The following TENM4 variants were observed in gnomAD, a reference collection of about 807,000 sequenced individuals.
TENM4 encodes the protein teneurin transmembrane protein 4.
Under a neutral mutation model 243.3 loss-of-function variants are expected in TENM4, and 82 were observed. The observed-to-expected ratio is 0.34, with a 90% CI of 0.28 to 0.40. The LOEUF (loss-of-function observed/expected upper bound fraction) is 0.40. Ranked by LOEUF, TENM4 falls within the 10% of genes least tolerant of loss-of-function variation. The probability of loss-of-function intolerance (pLI) is 1.00; values close to 1 mark genes in which losing one functional copy is unlikely to be tolerated. For synonymous variants in TENM4, 1,412 were observed against 1,456.3 expected, an observed-to-expected ratio of 0.97 and a Z score of 0.69; for missense variants, 3,138 against 3,673.3, an observed-to-expected ratio of 0.85 and a Z score of 3.77.
chr11:79,404,656 A>T (rs1345726513), intron 1 of TENM4, among the ~76,000 whole-genome samples: 1 of 152,222 alleles, frequency 6.6e-6, no homozygotes, highest in African/African-American at 2.4e-5. Flanking sequence ...AATAAAAAGA[A>T]TGTTGCGTGT....
chr11:79,003,541 A>G (rs1858391166), intron 6 of TENM4, among the ~76,000 whole-genome samples: 1 of 152,188 alleles, frequency 6.6e-6, no homozygotes, highest in South Asian at 2.1e-4. Context: ...TTTCATATCC[A>G]GCCAAACTAA....
chr11:79,199,391 A>G (rs1863696943), intron 3 of TENM4, among the ~76,000 whole-genome samples: 2 of 152,236 alleles, frequency 1.3e-5, no homozygotes, highest in South Asian at 4.1e-4. Flanking sequence ...CCTCATCTGC[A>G]AGATAAGAAT....
chr11:78,720,909 A>T (rs1398166000), intron 24 of TENM4, among the ~76,000 whole-genome samples: 1 of 152,246 alleles, frequency 6.6e-6, no homozygotes, highest in African/African-American at 2.4e-5. Context: ...AAAGACTGGA[A>T]GAAAAAATAT....
intron 1 of TENM4, among the ~76,000 whole-genome samples, chr11:79,309,138 C>G (rs1485213747): frequency 6.6e-6 from 1 of 152,222 alleles, no homozygotes; most frequent in Non-Finnish European, 1.5e-5. Context: ...CTAGTGTTAA[C>G]AAATCTGACT....
At chr11:78,803,579 TG>T (rs1857327625) in intron 15 of TENM4, among the ~76,000 whole-genome samples, 1 of 151,880 alleles carries the variant, frequency 6.6e-6, no homozygotes. Context: ...TTACGGGGAG[TG>T]GTATAGCCAG....
chr11:79,335,153 G>A (rs1393029757), intron 1 of TENM4, among the ~76,000 whole-genome samples: 1 of 152,178 alleles, frequency 6.6e-6, no homozygotes, highest in Non-Finnish European at 1.5e-5. Flanking sequence ...CAGGGATTGG[G>A]CCTGATTGTT....
chr11:78,890,984 T>C (rs1275762817), intron 8 of TENM4, among the ~76,000 whole-genome samples: 2 of 152,010 alleles, frequency 1.3e-5, no homozygotes, highest in Non-Finnish European at 2.9e-5. Flanking sequence ...AAATGCTATG[T>C]GAGATGGTTT....
rs766758919 is a variant in TENM4, at chr11:78,676,343, G to T, written c.5305C>A (p.Arg1769=). 1.2e-6 allele frequency: 2 copies of T among 1,608,964 alleles called. No homozygotes were observed. The highest frequency in any genetic ancestry group is 1.7e-6 in the Non-Finnish European group (2 of 1,175,966). ...SYYIGADGSL[R]LLLANGMEVA... ...TCCATGCCGTTGGCCAGCAGCAGCC[G>T]CAAGGAGCCATCGGCCCCGATGTAG... The change falls in exon 30 of 34, where the codon CGG becomes AGG. Residue 1769 remains arginine (R), a synonymous_variant. Transcript: ENST00000278550.
intron 2 of TENM4, among the ~76,000 whole-genome samples, chr11:79,228,709 TAA>T (rs1263716579): frequency 2.6e-5 from 4 of 152,152 alleles, no homozygotes; most frequent in East Asian, 1.9e-4. Flanking sequence ...TTTCTAATTT[TAA>T]AAAAGTCTCC....
At chr11:78,832,739 G>C (rs1591057439) in intron 12 of TENM4, among the ~76,000 whole-genome samples, 1 of 152,224 alleles carries the variant, frequency 6.6e-6, no homozygotes, top group Non-Finnish European at 1.5e-5. Context: ...CCTTTGCTAA[G>C]TCTGCCCAAG....
chr11:79,299,679 G>A (rs1211495561), intron 1 of TENM4, among the ~76,000 whole-genome samples: 1 of 152,202 alleles, frequency 6.6e-6, no homozygotes, highest in African/African-American at 2.4e-5. Flanking sequence ...AGAAAAGGCT[G>A]ATAACCTAAT....
intron 19 of TENM4, among the ~76,000 whole-genome samples, chr11:78,749,944 C>T (rs899499064): frequency 1.1e-4 from 16 of 152,172 alleles, no homozygotes; most frequent in East Asian, 1.9e-4. Context: ...CCCCTTTGCT[C>T]ACCATGCTCA....
intron 2 of TENM4, among the ~76,000 whole-genome samples, chr11:79,286,652 A>T (rs2135374358): frequency 6.6e-6 from 1 of 152,250 alleles, no homozygotes; most frequent in East Asian, 1.9e-4. Context: ...CTGGGCAACA[A>T]GAGCGAAACT....
chr11:78,893,988 T>C lies in TENM4; in HGVS notation c.750-2652A>G, dbSNP rs552281149. Among the ~76,000 whole-genome samples, 11 of 152,344 alleles carry C rather than the reference T, an allele frequency of 7.2e-5. No individual in the cohort carries two copies. The South Asian group carries it at 1.7e-3, about 23-fold the overall frequency. ...CAGAAGTCTTATCTGTCTTGTTCAC[T>C]GCTATGTGCCCAGAGTCTAGAGGAA... On this transcript the variant is annotated intron_variant, in intron 7 of 33. Transcript: ENST00000278550.
chr11:79,314,317 A>G (rs1856769509), intron 1 of TENM4, among the ~76,000 whole-genome samples: 3 of 152,230 alleles, frequency 2.0e-5, no homozygotes, highest in Admixed American at 2.0e-4. Context: ...GGCTGCTGTT[A>G]TTTTTAGAAA....
At chr11:79,404,152 C>T (rs1036875608) in intron 1 of TENM4, among the ~76,000 whole-genome samples, 1 of 152,220 alleles carries the variant, frequency 6.6e-6, no homozygotes, top group Non-Finnish European at 1.5e-5. Context: ...GATCACCTGA[C>T]ATAATAATTA....
rs1392624516 is a variant in TENM4 at position 78,805,460 on chromosome 11, C to T, written c.2011G>A (p.Gly671Ser). The T allele has an allele frequency of 1.3e-6, 2 of 1,590,880 alleles. No individual in the cohort carries two copies. Among genetic ancestry groups the T allele is most frequent in the East Asian group, 4.6e-5 (2 of 43,672 alleles). Residue 671 changes from glycine (G) to serine (S), a missense_variant, in exon 15 of 34, where the codon GGT becomes AGT. By Grantham distance (56) the Gly-to-Ser change is moderately conservative. This residue lies in a region of TENM4 where 2,467 missense variants were observed against 3,059.1 expected (regional missense o/e 0.81). Transcript: ENST00000278550. The stretch of plus-strand genomic sequence containing the variant: ...TGGCATTCGCCTCTCACGCAGACAC[C>T]CCGGCCTGAACATGTGGGGTCCATG... ...DCMDPTCSGR[G>S]VCVRGECHCS... is the part of the protein sequence containing the mutation.
intron 4 of TENM4, among the ~76,000 whole-genome samples, chr11:79,140,089 A>G (rs530653317): frequency 2.2e-4 from 33 of 151,764 alleles, no homozygotes; most frequent in African/African-American, 8.0e-4. Context: ...GCCCCTGCCA[A>G]TGTCTTCTGG....
intron 1 of TENM4, among the ~76,000 whole-genome samples, chr11:79,413,386 C>T (rs1338040545): frequency 7.1e-6 from 1 of 139,874 alleles, no homozygotes; most frequent in African/African-American, 2.7e-5. Flanking sequence ...ATAGCCTTTT[C>T]CAGCAAGAAG....
Sources: gnomAD v4.1 joint callset for allele counts (sites outside exome capture counted in the v4.1 genomes callset) on GRCh38, gnomAD v4.1.1 for gene constraint, gnomAD v4.1.1 regional missense constraint, MANE v1.5 for transcripts, NCBI Gene and HGNC (gene_info 2026-07-23, HGNC 2026-07-21) for gene names.